The following SEMA6D variants were observed in gnomAD, a reference collection of about 807,000 sequenced individuals.
SEMA6D encodes semaphorin 6D.
Under a neutral mutation model 106.6 loss-of-function variants are expected in SEMA6D, and 35 were observed. The ratio of observed to expected loss-of-function variants is 0.33; its 90% confidence interval spans 0.25 to 0.44. The LOEUF (loss-of-function observed/expected upper bound fraction) is 0.44. Among genes scored for constraint, SEMA6D ranks in the 20% least tolerant of loss-of-function variants. The probability of loss-of-function intolerance (pLI) is 1.00; values close to 1 mark genes in which losing one functional copy is unlikely to be tolerated. For synonymous variants in SEMA6D, 499 were observed against 487.7 expected (o/e 1.02, Z -0.31); for missense variants, 1,185 against 1,345.9 (o/e 0.88, Z 1.87).
chr15:47,675,144 T>C (rs2078217377), intron 4 of SEMA6D, among the ~76,000 whole-genome samples: 1 of 152,222 alleles, frequency 6.6e-6, no homozygotes, highest in South Asian at 2.1e-4. Flanking sequence ...AACACTATTA[T>C]TTTCTAGTTG....
intron 1 of SEMA6D, among the ~76,000 whole-genome samples, chr15:47,335,312 A>T (rs934121371): frequency 1.3e-5 from 2 of 152,138 alleles, no homozygotes; most frequent in African/African-American, 4.8e-5. Context: ...TTGATGCAGA[A>T]TCCACATCTG....
At chr15:47,435,513 A>G (rs2041672847) in intron 2 of SEMA6D, among the ~76,000 whole-genome samples, 1 of 152,020 alleles carries the variant, frequency 6.6e-6, no homozygotes, top group Non-Finnish European at 1.5e-5. Context: ...CTCCCTACCC[A>G]GTTGAGCCAC....
At chr15:47,261,884 T>C (rs1353183452) in intron 1 of SEMA6D, among the ~76,000 whole-genome samples, 2 of 151,980 alleles carry the variant, frequency 1.3e-5, no homozygotes, top group Non-Finnish European at 2.9e-5. Context: ...TTTTTCATTA[T>C]ATGAATATAC....
At position 47,736,679 on chromosome 15, in the gene SEMA6D, A is replaced by G. The variant is rs148403043; in HGVS notation, c.-55+18987A>G. 3.1e-4 allele frequency among the ~76,000 whole-genome samples: 47 copies of G among 152,324 alleles called. No individual in the cohort carries two copies. In the East Asian group the frequency reaches 8.9e-3, roughly 29 times the overall value. On this transcript the variant is annotated intron_variant, in intron 1 of 18. Coordinates refer to ENST00000536845, the MANE Select transcript of SEMA6D (RefSeq NM_001358351.3). ...ACTTTAAGCAGGATTTTGGAATTTAAATAAGCCAGAACTTCCTTCTCCATT... is the reference window on the plus strand; with the variant it reads ...ACTTTAAGCAGGATTTTGGAATTTAGATAAGCCAGAACTTCCTTCTCCATT...
chr15:47,320,125 C>T (rs890950408), intron 1 of SEMA6D, among the ~76,000 whole-genome samples: 1 of 152,170 alleles, frequency 6.6e-6, no homozygotes. Context: ...AAGCTCCTTA[C>T]ACCAGAAACC....
chr15:47,337,592 C>T (rs1004477806), intron 1 of SEMA6D, among the ~76,000 whole-genome samples: 1 of 152,130 alleles, frequency 6.6e-6, no homozygotes, highest in Non-Finnish European at 1.5e-5. Context: ...CCATACCACC[C>T]ATAATTTCCA....
chr15:47,543,917 A>G (rs1460469475), intron 3 of SEMA6D, among the ~76,000 whole-genome samples: 2 of 152,270 alleles, frequency 1.3e-5, no homozygotes, highest in African/African-American at 4.8e-5. Flanking sequence ...GAAAATGAAT[A>G]ATTTGCTAGA....
intron 4 of SEMA6D, among the ~76,000 whole-genome samples, chr15:47,617,004 G>T (rs1024158605): frequency 1.3e-5 from 2 of 152,156 alleles, no homozygotes; most frequent in Non-Finnish European, 2.9e-5. Flanking sequence ...TTAGCCCAGG[G>T]CCAAGACTTG....
At chr15:47,570,929 A>T (rs2046364884) in intron 3 of SEMA6D, among the ~76,000 whole-genome samples, 3 of 152,228 alleles carry the variant, frequency 2.0e-5, no homozygotes, top group African/African-American at 7.2e-5. Context: ...ATCTGAAAAG[A>T]GGTGCAGACA....
intron 3 of SEMA6D, among the ~76,000 whole-genome samples, chr15:47,556,922 G>A (rs543848374): frequency 6.6e-6 from 1 of 152,234 alleles, no homozygotes; most frequent in Admixed American, 6.5e-5. Flanking sequence ...TCTTATTGCT[G>A]TGTGACTCTG....
chr15:47,300,101 A>C (rs1362869635), intron 1 of SEMA6D, among the ~76,000 whole-genome samples: 1 of 152,220 alleles, frequency 6.6e-6, no homozygotes, highest in Non-Finnish European at 1.5e-5. Flanking sequence ...AACTTGGAGA[A>C]TAATAGGATC....
At chr15:47,625,447 C>T (rs920587494) in intron 4 of SEMA6D, among the ~76,000 whole-genome samples, 1 of 152,076 alleles carries the variant, frequency 6.6e-6, no homozygotes, top group African/African-American at 2.4e-5. Flanking sequence ...TGAAAATATG[C>T]ACAACAGGAC....
chr15:47,331,815 A>G (rs1050623164), intron 1 of SEMA6D, among the ~76,000 whole-genome samples: 8 of 152,236 alleles, frequency 5.3e-5, no homozygotes, highest in Non-Finnish European at 5.9e-5. Flanking sequence ...CCTTGCCATT[A>G]TGAGAAGAGA....
intron 3 of SEMA6D, among the ~76,000 whole-genome samples, chr15:47,546,188 A>C (rs866201632): frequency 6.6e-6 from 1 of 152,148 alleles, no homozygotes; most frequent in Non-Finnish European, 1.5e-5. Context: ...CATGGAAGTA[A>C]AAAGAGGTGC....
At chr15:47,605,529 A>G (rs892706963) in intron 4 of SEMA6D, among the ~76,000 whole-genome samples, 1 of 149,728 alleles carries the variant, frequency 6.7e-6, no homozygotes, top group African/African-American at 2.5e-5. Context: ...ATCCCACAAG[A>G]CTGCCCCTAC....
intron 4 of SEMA6D, among the ~76,000 whole-genome samples, chr15:47,637,163 AT>A (rs889556084): frequency 2.6e-5 from 4 of 152,206 alleles, no homozygotes; most frequent in African/African-American, 9.6e-5. Flanking sequence ...ATCTGAACAC[AT>A]TCTCTTCAAA....
intron 1 of SEMA6D, chr15:47,393,221 A>T (rs192200096): frequency 1.3e-5 from 2 of 152,344 alleles, no homozygotes; most frequent in African/African-American, 4.8e-5. Context: ...TCAAAAAAAT[A>T]AATTGAAATA....
In SEMA6D at chr15:47,556,128, GT is replaced by G. The variant is rs546589344; in HGVS notation, c.-86-44733del. 4.6e-5 allele frequency among the ~76,000 whole-genome samples: 7 copies of G among 152,106 alleles called. No homozygotes were observed. In the East Asian group the frequency reaches 1.4e-3, roughly 29 times the overall value. On this transcript the variant is annotated intron_variant, in intron 3 of 19. Transcript: ENST00000558014. Reference sequence around the variant, plus strand: ...GTGGTTTTGGCACATACCTTTACATGTTTTCTTTTTAATTGATATATACTGT... The same window carrying G: ...GTGGTTTTGGCACATACCTTTACATGTTTCTTTTTAATTGATATATACTGT...
At chr15:47,236,424 C>T (rs1247024639) in intron 1 of SEMA6D, among the ~76,000 whole-genome samples, 3 of 152,028 alleles carry the variant, frequency 2.0e-5, no homozygotes, top group Admixed American at 6.6e-5. Context: ...TATTATGACT[C>T]ATAGCATTTT....
Sources: allele counts gnomAD v4.1 joint callset (sites outside exome capture counted in the v4.1 genomes callset), GRCh38; gene constraint gnomAD v4.1.1; transcripts MANE v1.5; gene names NCBI Gene and HGNC (gene_info 2026-07-23, HGNC 2026-07-21).